Variants in JAKMIP3 observed in about 807,000 individuals in gnomAD.
JAKMIP3 encodes the protein janus kinase and microtubule-interacting protein 3.
Under a neutral mutation model 118.5 loss-of-function variants are expected in JAKMIP3, and 58 were observed. That is an observed-to-expected ratio of 0.49 (90% confidence interval 0.40 to 0.61). The LOEUF is 0.61. JAKMIP3 is among the 20% of genes least tolerant of loss of function. The pLI, the probability that JAKMIP3 is intolerant of heterozygous loss-of-function variation, is 0.00. For synonymous variants in JAKMIP3, 486 were observed against 451.2 expected (o/e 1.08, Z -0.98); for missense variants, 950 against 1,109.0 (o/e 0.86, Z 2.04).
chr10:132,046,227 G>A (rs996425407), intron 1 of JAKMIP3, among the ~76,000 whole-genome samples: 1 of 152,100 alleles, frequency 6.6e-6, no homozygotes, highest in Non-Finnish European at 1.5e-5. Context: ...GGCCGAGGCG[G>A]GCAGATCACA....
At chr10:132,135,779 G>A in intron 5 of JAKMIP3, 151 bp from the exon 6 acceptor site, 1 of 821,362 alleles carries the variant, frequency 1.2e-6, no homozygotes, top group Non-Finnish European at 1.9e-6. Flanking sequence ...CGCTGGGCCA[G>A]TGGGCACCAC....
At chr10:132,095,854 C>A (rs185193530) in intron 1 of JAKMIP3, among the ~76,000 whole-genome samples, 4 of 152,318 alleles carry the variant, frequency 2.6e-5, no homozygotes, top group Admixed American at 2.0e-4. Context: ...GGCTTGCCTT[C>A]AAGATTGGGG....
At chr10:132,146,424 G>T (rs1376673188) in intron 13 of JAKMIP3, among the ~76,000 whole-genome samples, 3 of 152,144 alleles carry the variant, frequency 2.0e-5, no homozygotes, top group Admixed American at 1.3e-4. Context: ...CCTCACAACT[G>T]TGGGAGCAGG....
intron 1 of JAKMIP3, among the ~76,000 whole-genome samples, chr10:132,081,647 C>T (rs1471937937): frequency 2.0e-5 from 3 of 152,114 alleles, no homozygotes; most frequent in Non-Finnish European, 4.4e-5. Flanking sequence ...GTCACGGTTG[C>T]CTCCGTTATT....
upstream of JAKMIP3, among the ~76,000 whole-genome samples, chr10:132,065,442 CTAT>C (rs10544133): frequency 0.68 from 102,526 of 150,860 alleles, 35,264 homozygotes; most frequent in East Asian, 0.87. This position sits in a 1 kb window ranked among gnomAD's most constrained non-coding sequence, Gnocchi z 5.6. Context: ...AAGTTCGTTC[CTAT>C]TATTGACCCG....
chr10:132,084,246 C>G (rs1305939766), intron 1 of JAKMIP3, among the ~76,000 whole-genome samples: 2 of 152,112 alleles, frequency 1.3e-5, no homozygotes, highest in Admixed American at 1.3e-4. Context: ...TTGTAGAGGT[C>G]TTTCACCTCC....
chr10:132,042,216 T>TTCCTTCCTTCC (rs1257478085), intron 1 of JAKMIP3, among the ~76,000 whole-genome samples: 35 of 151,072 alleles, frequency 2.3e-4, no homozygotes, highest in African/African-American at 8.1e-4. Context: ...CCTTCCTTCC[T>TTCCTTCCTTCC]TCTTTCCTCC....
At position 132,140,543 on chromosome 10, in the gene JAKMIP3, C is replaced by A; in HGVS notation, c.1437C>A (p.Asp479Glu). 6.2e-7 allele frequency: 1 copy of A among 1,612,740 alleles called. No individual in the cohort carries two copies. Among genetic ancestry groups the A allele is most frequent in the Non-Finnish European group, 8.5e-7 (1 of 1,179,548 alleles). The change falls in exon 10 of 24, where the codon GAC (aspartate) becomes GAA (glutamate). Residue 479 changes from aspartate (D) to glutamate (E), a missense_variant. Physicochemically the swap from Asp to Glu is conservative, Grantham distance 45. Transcript: ENST00000684848. ...SSVSYQTDRT[D>E]QTPCTPDDDL... ...TCTCTTACCAAACAGACAGGACGGA[C>A]CAGACCCCGTGCACCCCGGACGATG... is the stretch of plus-strand genomic sequence containing the variant.
chr10:132,148,173 C>T (rs1000862653), intron 14 of JAKMIP3, 123 bp downstream of exon 14: 3 of 515,624 alleles, frequency 5.8e-6, no homozygotes, highest in Non-Finnish European at 1.0e-5. Flanking sequence ...CAAAAGGCTG[C>T]GTCAGGGAGG....
chr10:132,150,100 C>T, intron 16 of JAKMIP3, 59 bp downstream of exon 16: 1 of 1,403,748 alleles, frequency 7.1e-7, no homozygotes, highest in Non-Finnish European at 9.8e-7. Flanking sequence ...AGCCCAGCCC[C>T]TCTGGGGTCC....
rs1554919761 is a variant in JAKMIP3, at chr10:132,075,407, C to CCTTT, written c.-138+9346_-138+9347insCTTT. Among the ~76,000 whole-genome samples the CCTTT allele has an allele frequency of 2.6e-4, 30 of 113,858 alleles. 1 individual carries two copies. Among genetic ancestry groups the CCTTT allele is most frequent in the African/African-American group, 1.1e-3 (30 of 28,160 alleles). The allele number at this position is 113,858 out of a possible 152,430, so 74.7% of individuals were successfully genotyped here. On this transcript the variant is annotated intron_variant, in intron 1 of 23. Coordinates refer to ENST00000684848, the MANE Select transcript of JAKMIP3 (RefSeq NM_001323087.2). Reference sequence around the variant, plus strand: ...GCTATTGCTTTCATATACTTCACCTCTTTTTTTTTTTTTTTTTTAAAGACA... The same window carrying CCTTT: ...GCTATTGCTTTCATATACTTCACCTCCTTTTTTTTTTTTTTTTTTTTTAAAGACA...
At chr10:132,111,807 G>A (rs528088939) in intron 2 of JAKMIP3, among the ~76,000 whole-genome samples, 2 of 152,054 alleles carry the variant, frequency 1.3e-5, no homozygotes, top group Admixed American at 6.6e-5. Context: ...ATATTTTGAC[G>A]TGTTAAACAT....
intron 12 of JAKMIP3, 98 bp from the exon 13 acceptor site, chr10:132,145,420 G>T: frequency 8.2e-7 from 1 of 1,219,354 alleles, no homozygotes; most frequent in Non-Finnish European, 1.2e-6. Context: ...TGCCACGCTG[G>T]CCAGACTGGT....
In JAKMIP3 at chr10:132,177,699, G is replaced by A. The variant is rs112825664; in HGVS notation, c.*1104-4658G>A. Among the ~76,000 whole-genome samples, 741 of 146,346 alleles carry A rather than the reference G, an allele frequency of 5.1e-3. 5 individuals carry two copies. The highest frequency in any genetic ancestry group is 0.018 in the African/African-American group (694 of 38,826). ...CACTGTGCATTTGGCCGTGGTGTGT[G>A]TGCATCTGCTCTTGTGCCCTGGGTA... On this transcript the variant is annotated intron_variant, in intron 23 of 23. Coordinates refer to ENST00000684848, the MANE Select transcript of JAKMIP3 (RefSeq NM_001323087.2).
intron 1 of JAKMIP3, among the ~76,000 whole-genome samples, chr10:132,103,001 G>T (rs572570403): frequency 6.6e-6 from 1 of 151,202 alleles, no homozygotes; most frequent in Non-Finnish European, 1.5e-5. Flanking sequence ...AGATGGGGGC[G>T]TGGGGTGGGC....
At chr10:132,163,737 C>G (rs1489405983) in intron 20 of JAKMIP3, among the ~76,000 whole-genome samples, 1 of 152,282 alleles carries the variant, frequency 6.6e-6, no homozygotes, top group African/African-American at 2.4e-5. Flanking sequence ...TCAGGCCAGA[C>G]TGCCTCCCCT....
rs1177857779 is a variant in JAKMIP3 at position 132,112,680 on chromosome 10, T to C, written c.136-4397T>C. ...TGGGTACCTGAATGTTCTGAGCCTA[T>C]AGGAGTGGGGAAATAGTTCCCATGA... On this transcript the variant is annotated intron_variant, in intron 2 of 23. Coordinates refer to ENST00000684848, the MANE Select transcript of JAKMIP3 (RefSeq NM_001323087.2). This position sits in a 1 kb window ranked among gnomAD's most constrained non-coding sequence, Gnocchi z 4.3. Among the ~76,000 whole-genome samples, 1 of 152,198 alleles carries C rather than the reference T, an allele frequency of 6.6e-6. No individual in the cohort carries two copies. Among genetic ancestry groups the C allele is most frequent in the Non-Finnish European group, 1.5e-5 (1 of 68,030 alleles).
intron 23 of JAKMIP3, among the ~76,000 whole-genome samples, chr10:132,180,710 C>T (rs1364976800): frequency 0.051 from 487 of 9,466 alleles, 92 homozygotes; most frequent in African/African-American, 0.15. Flanking sequence ...TGTGTGTGCG[C>T]GTGTGTGTGC....
intron 2 of JAKMIP3, among the ~76,000 whole-genome samples, chr10:132,113,104 T>C (rs2047119032): frequency 6.6e-6 from 1 of 152,230 alleles, no homozygotes; most frequent in African/African-American, 2.4e-5. Context: ...CAGGGCTCAC[T>C]AGCCACTCTT....
Sources: allele counts gnomAD v4.1 joint callset (sites outside exome capture counted in the v4.1 genomes callset), GRCh38; gene constraint gnomAD v4.1.1; non-coding constraint Gnocchi (gnomAD v3.1); transcripts MANE v1.5; gene names NCBI Gene and HGNC (gene_info 2026-07-23, HGNC 2026-07-21).